TRPC4: variants seen among roughly 807,000 people sequenced by gnomAD.
TRPC4 encodes the protein transient receptor potential cation channel subfamily C member 4.
In TRPC4, 49 loss-of-function variants were observed where a neutral mutation model predicts 99.4. The observed-to-expected ratio is 0.49, with a 90% CI of 0.39 to 0.63. TRPC4 has a LOEUF of 0.63. Ranked by LOEUF, TRPC4 falls within the 20% of genes least tolerant of loss-of-function variation. TRPC4 has a pLI of 0.00. For missense variants in TRPC4, 898 were observed against 1,152.9 expected (o/e 0.78, Z 3.20); for synonymous variants, 454 against 425.9 (o/e 1.07, Z -0.81).
At chr13:37,792,434 G>C (rs996464950) in intron 1 of TRPC4, among the ~76,000 whole-genome samples, 1 of 152,040 alleles carries the variant, frequency 6.6e-6, no homozygotes, top group Non-Finnish European at 1.5e-5. Context: ...ACAAGAACGC[G>C]TGCATAAATG....
intron 1 of TRPC4, among the ~76,000 whole-genome samples, chr13:37,869,170 C>G (rs546858687): frequency 6.6e-6 from 1 of 152,098 alleles, no homozygotes; most frequent in East Asian, 1.9e-4. Context: ...GCTAAGGCCT[C>G]ACTTATATGC....
At position 37,848,993 on chromosome 13, in the gene TRPC4, T is replaced by C. The variant is rs560692639; in HGVS notation, c.-28+20602A>G. Reference sequence around the variant, plus strand: ...TCCTGCAGATGGTACCCTACAGCTGTTAAGCAGGCTTGATTATCTTTTTCT... The same window carrying C: ...TCCTGCAGATGGTACCCTACAGCTGCTAAGCAGGCTTGATTATCTTTTTCT... On this transcript the variant is annotated intron_variant, in intron 1 of 10. Coordinates refer to ENST00000379705, the MANE Select transcript of TRPC4 (RefSeq NM_016179.4). 5.3e-5 allele frequency among the ~76,000 whole-genome samples: 8 copies of C among 152,234 alleles called. No individual in the cohort carries two copies. In the South Asian group the frequency reaches 1.7e-3, roughly 32 times the overall value.
chr13:37,646,949 T>C (rs1951875469), intron 8 of TRPC4, among the ~76,000 whole-genome samples: 1 of 152,236 alleles, frequency 6.6e-6, no homozygotes, highest in Non-Finnish European at 1.5e-5. Flanking sequence ...CATTTCTGCT[T>C]CATTTATGCT....
At chr13:37,695,702 A>C (rs75607095) in intron 3 of TRPC4, among the ~76,000 whole-genome samples, 1,719 of 152,336 alleles carry the variant, frequency 0.011, 35 homozygotes, top group African/African-American at 0.04. Context: ...CTTTCAATAA[A>C]CTTTAAAAAG....
chr13:37,783,222 T>G lies in TRPC4; in HGVS notation c.112A>C (p.Asn38His). Residue 38 changes from asparagine (N) to histidine (H), a missense_variant, in exon 2 of 11, where the codon AAT becomes CAT. Asn to His is a moderately conservative substitution (Grantham distance 68, BLOSUM62 1). Transcript: ENST00000379705. ...ELSPSEKAYLNAVEKGDYASV... is the reference protein window; with the variant it reads ...ELSPSEKAYLHAVEKGDYASV... ...GCATAATCTCCCTTTTCCACAGCAT[T>G]CAAGTAGGCTTTTTCTGATGGCGAG... 1.2e-6 allele frequency: 2 copies of G among 1,613,700 alleles called. No individual in the cohort carries two copies. The highest frequency in any genetic ancestry group is 1.1e-5 in the South Asian group (1 of 91,068).
chr13:37,696,032 C>T (rs1312312160), intron 3 of TRPC4, among the ~76,000 whole-genome samples: 1 of 152,200 alleles, frequency 6.6e-6, no homozygotes, highest in African/African-American at 2.4e-5. Flanking sequence ...AAACTGGGCA[C>T]TTTACAGAAG....
At chr13:37,834,181 AT>A (rs113546049) in intron 1 of TRPC4, among the ~76,000 whole-genome samples, 4,639 of 152,332 alleles carry the variant, frequency 0.03, 144 homozygotes, top group African/African-American at 0.078. Context: ...AACACTGTTT[AT>A]AAATGTTCTA....
intron 2 of TRPC4, among the ~76,000 whole-genome samples, chr13:37,760,239 G>A (rs1236055612): frequency 7.9e-5 from 12 of 151,778 alleles, no homozygotes; most frequent in African/African-American, 2.4e-5. Context: ...AATCTACTGT[G>A]CACTACACTT....
intron 1 of TRPC4, among the ~76,000 whole-genome samples, chr13:37,827,871 C>G (rs1279241545): frequency 1.3e-5 from 2 of 152,218 alleles, no homozygotes; most frequent in East Asian, 3.9e-4. Context: ...CTCCCCTAGC[C>G]TCGCTGCTGC....
At chr13:37,768,852 CT>C (rs1449673228) in intron 2 of TRPC4, among the ~76,000 whole-genome samples, 2 of 151,390 alleles carry the variant, frequency 1.3e-5, no homozygotes, top group Non-Finnish European at 3.0e-5. Flanking sequence ...GAAAAACAAC[CT>C]TTGCCTACTT....
At chr13:37,818,909 C>G (rs928657002) in intron 1 of TRPC4, among the ~76,000 whole-genome samples, 6 of 151,814 alleles carry the variant, frequency 4.0e-5, no homozygotes, top group African/African-American at 1.5e-4. Context: ...ATGTAACAAA[C>G]CTGCACGTTC....
At chr13:37,670,352 T>C (rs1214357943) in intron 5 of TRPC4, among the ~76,000 whole-genome samples, 2 of 152,136 alleles carry the variant, frequency 1.3e-5, no homozygotes, top group Non-Finnish European at 2.9e-5. Flanking sequence ...TGTAGGATGA[T>C]ACAGTTTTTT....
intron 2 of TRPC4, among the ~76,000 whole-genome samples, chr13:37,755,266 T>TAA (rs574162015): frequency 0.069 from 9,760 of 142,100 alleles, 977 homozygotes; most frequent in African/African-American, 0.22. Flanking sequence ...CCTGGCTCTT[T>TAA]AAAAAAAAAA....
At chr13:37,679,346 A>T (rs2138798490) in intron 4 of TRPC4, among the ~76,000 whole-genome samples, 1 of 152,314 alleles carries the variant, frequency 6.6e-6, no homozygotes, top group African/African-American at 2.4e-5. Context: ...AAATTACAAA[A>T]TTGATATTGA....
At chr13:37,824,084 G>C (rs1170829132) in intron 1 of TRPC4, among the ~76,000 whole-genome samples, 1 of 147,932 alleles carries the variant, frequency 6.8e-6, no homozygotes. Flanking sequence ...GTCTGTTGTT[G>C]GTGTATAAGA....
At chr13:37,647,406 G>A (rs752147318) in intron 8 of TRPC4, among the ~76,000 whole-genome samples, 5 of 152,174 alleles carry the variant, frequency 3.3e-5, no homozygotes, top group Non-Finnish European at 1.5e-5. Flanking sequence ...CAAGGGATTC[G>A]GGACACAGGA....
chr13:37,722,834 A>C (rs1439822163), intron 3 of TRPC4, among the ~76,000 whole-genome samples: 1 of 152,196 alleles, frequency 6.6e-6, no homozygotes, highest in Non-Finnish European at 1.5e-5. Context: ...AAAGATGAAC[A>C]TGACTAAGAT....
At chr13:37,661,127 T>C (rs1952422177) in intron 6 of TRPC4, among the ~76,000 whole-genome samples, 1 of 152,224 alleles carries the variant, frequency 6.6e-6, no homozygotes, top group Non-Finnish European at 1.5e-5. Flanking sequence ...ATTTAAGATA[T>C]GTAATTATAT....
At chr13:37,726,169 C>T (rs954638232) in intron 3 of TRPC4, among the ~76,000 whole-genome samples, 13 of 151,740 alleles carry the variant, frequency 8.6e-5, no homozygotes, top group African/African-American at 3.1e-4. Flanking sequence ...GCACTCCAGC[C>T]TGGGCGACAG....
Sources: allele counts gnomAD v4.1 joint callset (sites outside exome capture counted in the v4.1 genomes callset), GRCh38; gene constraint gnomAD v4.1.1; transcripts MANE v1.5; gene names NCBI Gene and HGNC (gene_info 2026-07-23, HGNC 2026-07-21).